PLEC: variants seen among roughly 807,000 people sequenced by gnomAD.
PLEC encodes hemidesmosomal protein 1.
In PLEC, 216 loss-of-function variants were observed where a neutral mutation model predicts 392.8. That is an observed-to-expected ratio of 0.55 (90% CI 0.49 to 0.62). PLEC has a LOEUF of 0.62. Among genes scored for constraint, PLEC ranks in the 20% least tolerant of loss-of-function variants. The pLI is 0.00. For missense variants in PLEC, 6,863 were observed against 6,563.4 expected (o/e 1.05, Z -1.58); for synonymous variants, 3,621 against 2,980.6 (o/e 1.21, Z -7.00).
chr8:143,930,076 G>C lies in PLEC; in HGVS notation c.2613-14C>G, dbSNP rs782326147. On this transcript the variant is annotated splice_polypyrimidine_tract_variant and intron_variant, in intron 21 of 31. Transcript: ENST00000345136. Reference sequence around the variant, plus strand: ...TGGGCCTCCAGCCTGGCAGGTCAGGGCTACAGTCAGCGTCACCAGCGCCCC... The same window carrying C: ...TGGGCCTCCAGCCTGGCAGGTCAGGCCTACAGTCAGCGTCACCAGCGCCCC... 1.2e-6 allele frequency: 2 copies of C among 1,608,208 alleles called. No individual in the cohort carries two copies. The highest frequency in any genetic ancestry group is 1.1e-5 in the South Asian group (1 of 91,012).
At chr8:143,950,340 G>T (rs782459548) in exon 1 of PLEC, 2 of 1,580,522 alleles carry the variant, frequency 1.3e-6, no homozygotes, top group Admixed American at 1.9e-5. Context: ...GGGGAGCCCA[G>T]GGGACCCTGC....
intron 1 of PLEC, chr8:143,946,320 T>C (rs1554732166): frequency 1.6e-6 from 2 of 1,285,502 alleles, no homozygotes; most frequent in South Asian, 2.5e-5. Context: ...CTCCTCTGCC[T>C]CCCACAGCCC....
Position 143,921,488 on chromosome 8 carries a change from T to C in PLEC, c.8333A>G (p.Lys2778Arg), listed in dbSNP as rs782513734. 54 of 1,612,914 alleles carry C rather than the reference T, an allele frequency of 3.3e-5. No individual in the cohort carries two copies. The highest frequency in any genetic ancestry group is 4.4e-5 in the Non-Finnish European group (52 of 1,179,804). ...GATCTGCTGGCCAGTGTAGGGGTCC[T>C]TGTAGCCAGTGACGGCGCGCTCGGC... The part of the protein sequence containing the change: ...LSAERAVTGY[K>R]DPYTGQQISL... Residue 2778 changes from lysine (K) to arginine (R), a missense_variant, in exon 32 of 32, where the codon AAG becomes AGG. Transcript: ENST00000345136.
Position 143,917,086 on chromosome 8 carries a change from G to C in PLEC, c.12735C>G (p.Ser4245=). The C allele has an allele frequency of 1.2e-6, 2 of 1,606,714 alleles. No homozygotes were observed. The highest frequency in any genetic ancestry group is 1.7e-6 in the Non-Finnish European group (2 of 1,174,640). ...AGGAGGATCCCACCGAGGAGGAACG[G>C]GAGCGGAAACCACCGGCGTTGCCCG... is the stretch of plus-strand genomic sequence containing the variant. ...MLSGNAGGFR[S]RSSSVGSSSS... is the part of the protein sequence containing the mutation. The change falls in exon 32 of 32, where the codon TCC becomes TCG. Residue 4245 remains serine (S), a synonymous_variant. Coordinates refer to ENST00000345136, the MANE Select transcript of PLEC (RefSeq NM_201384.3).
At chr8:143,939,170 C>T (rs782435698) in intron 1 of PLEC, among the ~76,000 whole-genome samples, 180 bp downstream of exon 1, 1 of 152,220 alleles carries the variant, frequency 6.6e-6, no homozygotes. Flanking sequence ...CGGAGGCCCC[C>T]GTCAGCCTCG....
rs1554744936 is a variant in PLEC, at chr8:143,973,402, C to T, written c.70+1G>A. 6.4e-7 allele frequency: 1 copy of T among 1,558,334 alleles called. No homozygotes were observed. Among genetic ancestry groups the T allele is most frequent in the East Asian group, 2.4e-5 (1 of 41,082 alleles). On this transcript the variant is annotated splice_donor_variant, in intron 1 of 31. Coordinates refer to the PLEC transcript ENST00000356346. LOFTEE classifies it high-confidence loss of function. This position sits in a 1 kb window ranked among gnomAD's most constrained non-coding sequence, Gnocchi z 5.6. ...ACAGGCAGCGGGACGGGGGGCCGTA[C>T]CTTTGTACTTCTCGCGCACCTCCTC... is the stretch of plus-strand genomic sequence containing the variant.
At chr8:143,936,440 G>A (rs1184578539) in intron 5 of PLEC, among the ~76,000 whole-genome samples, 1 of 152,228 alleles carries the variant, frequency 6.6e-6, no homozygotes, top group Non-Finnish European at 1.5e-5. Context: ...GGAAAAGGCT[G>A]GGGGTCGAGC....
chr8:143,924,109 G>A lies in PLEC; in HGVS notation c.5820C>T (p.Gly1940=). 6.3e-7 allele frequency: 1 copy of A among 1,598,540 alleles called. No homozygotes were observed. The highest frequency in any genetic ancestry group is 8.5e-7 in the Non-Finnish European group (1 of 1,179,348). The stretch of plus-strand genomic sequence containing the variant: ...CCAGCTCCAGCTCCAGCTCCGCCTT[G>A]CCAGCGGCCGCCTTCTCGAAGCTCG... ...LKASFEKAAA[G]KAELELELGR... is the part of the protein sequence containing the mutation. Residue 1940 remains glycine (G), a synonymous_variant, in exon 31 of 32, where the codon GGC becomes GGT. Coordinates refer to ENST00000345136, the MANE Select transcript of PLEC (RefSeq NM_201384.3).
Position 143,930,369 on chromosome 8 carries a change from C to A in PLEC, c.2457+15G>T, listed in dbSNP as rs781785948. ...CCTGGCCACGCCCCCCAGTGGACCC[C>A]CGGCCTGCGCTCACCTCCACCTGCT... On this transcript the variant is annotated intron_variant, in intron 20 of 31. Transcript: ENST00000345136. 2 of 1,574,962 alleles carry A rather than the reference C, an allele frequency of 1.3e-6. No homozygotes were observed. Among genetic ancestry groups the A allele is most frequent in the Non-Finnish European group, 8.6e-7 (1 of 1,165,316 alleles).
At position 143,922,715 on chromosome 8, in the gene PLEC, C is replaced by T. The variant is rs370305441; in HGVS notation, c.7214G>A (p.Arg2405His). ...GATCTCCTCCGCCTGCTTCCGGAAG[C>T]GCTGGGCGTCCTCCTCAGCGCGGGC... ...AQARAEEDAQRFRKQAEEIGE... is the reference protein window; with the variant it reads ...AQARAEEDAQHFRKQAEEIGE... Residue 2405 changes from arginine to histidine, a missense_variant, in exon 31 of 32, where the codon CGC becomes CAC. Coordinates refer to ENST00000345136, the MANE Select transcript of PLEC (RefSeq NM_201384.3). 2.1e-5 allele frequency: 34 copies of T among 1,611,988 alleles called. No individual in the cohort carries two copies. The highest frequency in any genetic ancestry group is 8.0e-5 in the African/African-American group (6 of 74,862).
In PLEC at chr8:143,929,285, CAA is replaced by C. The variant is rs1554710618; in HGVS notation, c.3082-6_3082-5del. On this transcript the variant is annotated splice_region_variant and splice_polypyrimidine_tract_variant and intron_variant, in intron 24 of 31. Transcript: ENST00000345136. ...CCTCCACCTCTGCCTGTGCCTTCTG[CAA>C]AGACAGGGAGTGGGAACGCACTCAT... 1 of 1,598,902 alleles carries C rather than the reference CAA, an allele frequency of 6.3e-7. No individual in the cohort carries two copies. The highest frequency in any genetic ancestry group is 2.2e-5 in the East Asian group (1 of 44,784).
intron 5 of PLEC, 33 bp from the exon 6 acceptor site, chr8:143,936,047 C>T (rs753587161): frequency 1.4e-5 from 22 of 1,607,092 alleles, no homozygotes; most frequent in Non-Finnish European, 1.6e-5. Context: ...CACAGCTCAG[C>T]CACAGCCACC....
At position 143,924,389 on chromosome 8, in the gene PLEC, C is replaced by G. The variant is rs577374823; in HGVS notation, c.5540G>C (p.Arg1847Pro). Residue 1847 changes from arginine (R) to proline (P), a missense_variant, in exon 31 of 32, where the codon CGG (arginine) becomes CCG (proline). Coordinates refer to ENST00000345136, the MANE Select transcript of PLEC (RefSeq NM_201384.3). ...CGCGATCTCCGCCTCCGTCTTGAGC[C>G]GCGTGGCCTCGCCGATGGCGGCCAG... ...EKLAAIGEAT[R>P]LKTEAEIALK... The G allele has an allele frequency of 1.3e-6, 2 of 1,595,230 alleles. No homozygotes were observed. The highest frequency in any genetic ancestry group is 1.7e-6 in the Non-Finnish European group (2 of 1,178,024).
chr8:143,932,016 A>G lies in PLEC; in HGVS notation c.2099T>C (p.Leu700Pro), dbSNP rs1554716091. 5 of 1,603,052 alleles carry G rather than the reference A, an allele frequency of 3.1e-6. No homozygotes were observed. Among genetic ancestry groups the G allele is most frequent in the Non-Finnish European group, 4.3e-6 (5 of 1,175,896 alleles). Reference sequence around the variant, plus strand: ...TAGCATCCAGCTCCACTGCGTCTGCAGGGCCGCCTGGAAGGACTGCGGGAC... The same window carrying G: ...TAGCATCCAGCTCCACTGCGTCTGCGGGGCCGCCTGGAAGGACTGCGGGAC... ...RPTVESFQAA[L>P]QTQWSWMLQL... Residue 700 changes from leucine to proline, a missense_variant, in exon 18 of 32, where the codon CTG becomes CCG. By Grantham distance (98) the Leu-to-Pro change is moderately conservative. Coordinates refer to ENST00000345136, the MANE Select transcript of PLEC (RefSeq NM_201384.3).
At position 143,920,269 on chromosome 8, in the gene PLEC, G is replaced by T. The variant is rs1554681189; in HGVS notation, c.9552C>A (p.Pro3184=). 3.8e-6 allele frequency: 6 copies of T among 1,596,590 alleles called. No homozygotes were observed. The East Asian group carries it at 1.1e-4, about 30-fold the overall frequency. Residue 3184 remains proline (P), a synonymous_variant, in exon 32 of 32, where the codon CCC becomes CCA. Coordinates refer to ENST00000345136, the MANE Select transcript of PLEC (RefSeq NM_201384.3). ...PRADAKAYSD[P]STGEPATYGE... ...CGTAGGTGGCCGGCTCCCCTGTGCT[G>T]GGGTCACTGTAGGCCTTGGCGTCGG...
At chr8:143,950,480 T>A in exon 1 of PLEC, 1 of 1,607,950 alleles carries the variant, frequency 6.2e-7, no homozygotes, top group South Asian at 1.1e-5. Context: ...GATGCCTTCA[T>A]TGGTGAGGTA....
At chr8:143,938,874 CCCAGGTGCCAGGGGCCCAGGCGCCA>C (rs1267856844) in intron 1 of PLEC, among the ~76,000 whole-genome samples, 182 bp from the exon 2 acceptor site, 12 of 152,082 alleles carry the variant, frequency 7.9e-5, no homozygotes, top group Admixed American at 2.0e-4. Context: ...ACAGCAGAGA[CCCAGGTGCCAGGGGCCCAGGCGCCA>C]CCAGGTGCAG....
At position 143,927,786 on chromosome 8, in the gene PLEC, C is replaced by T; in HGVS notation, c.3400-20G>A. 1 of 1,595,298 alleles carries T rather than the reference C, an allele frequency of 6.3e-7. No individual in the cohort carries two copies. The highest frequency in any genetic ancestry group is 8.5e-7 in the Non-Finnish European group (1 of 1,171,548). On this transcript the variant is annotated intron_variant, in intron 26 of 31. Transcript: ENST00000345136. ...CAGCTTCTGTTGGGGACAGGAGGGA[C>T]ATGTGCGGCTTCAGCTGGGCCCGCT...
At chr8:143,956,760 T>TGCA (rs1275686594), upstream of PLEC, among the ~76,000 whole-genome samples, 1 of 152,172 alleles carries the variant, frequency 6.6e-6, no homozygotes, top group East Asian at 1.9e-4. Context: ...ATCGACAAGC[T>TGCA]GCAGCAGCAG....
Sources: allele counts gnomAD v4.1 joint callset (sites outside exome capture counted in the v4.1 genomes callset), GRCh38; gene constraint gnomAD v4.1.1; non-coding constraint Gnocchi (gnomAD v3.1); transcripts MANE v1.5; gene names NCBI Gene and HGNC (gene_info 2026-07-23, HGNC 2026-07-21).